The following NR2C1 variants were observed in gnomAD, a reference collection of about 807,000 sequenced individuals.
NR2C1 encodes the protein nuclear receptor subfamily 2 group C member 1, also known as TR2 nuclear hormone receptor.
A neutral mutation model predicts 74.8 loss-of-function variants in NR2C1; 33 were observed. That is an observed-to-expected ratio of 0.44 (90% CI 0.33 to 0.59). NR2C1 has a LOEUF of 0.59. Ranked by LOEUF, NR2C1 falls within the 20% of genes least tolerant of loss-of-function variation. The pLI is 0.02. For synonymous variants in NR2C1, 225 were observed against 240.6 expected, an observed-to-expected ratio of 0.94 and a Z score of 0.60; for missense variants, 568 against 715.6, an observed-to-expected ratio of 0.79 and a Z score of 2.35.
rs1272138459 is a variant in NR2C1, at chr12:95,048,281, A to G, written c.1131+787T>C. Among the ~76,000 whole-genome samples, 3 of 152,276 alleles carry G rather than the reference A, an allele frequency of 2.0e-5. No individual in the cohort carries two copies. In the East Asian group the frequency reaches 5.8e-4, roughly 29 times the overall value. On this transcript the variant is annotated intron_variant, in intron 9 of 13. Transcript: ENST00000333003. ...AGCTAATTAAGATGATACATAACAAATGGAGCTCTTTGTAGTTACTATGGT... is the reference window on the plus strand; with the variant it reads ...AGCTAATTAAGATGATACATAACAAGTGGAGCTCTTTGTAGTTACTATGGT...
At chr12:95,069,944 GGAT>G (rs1378605402) in intron 1 of NR2C1, among the ~76,000 whole-genome samples, 1 of 152,102 alleles carries the variant, frequency 6.6e-6, no homozygotes, top group African/African-American at 2.4e-5. Context: ...CCCTGGGATA[GGAT>G]AATAAAGATG....
At chr12:95,041,195 A>G (rs1355773935) in intron 9 of NR2C1, among the ~76,000 whole-genome samples, 3 of 152,124 alleles carry the variant, frequency 2.0e-5, no homozygotes, top group African/African-American at 7.2e-5. Context: ...CCCTATTTAA[A>G]AAAACTGGCA....
intron 7 of NR2C1, 85 bp downstream of exon 7, chr12:95,057,468 A>G: frequency 2.1e-6 from 2 of 975,428 alleles, no homozygotes; most frequent in East Asian, 2.5e-5. Flanking sequence ...TTAAGAACAA[A>G]GCAATTTACC....
chr12:95,020,593 T>C lies in NR2C1; in HGVS notation c.*1636A>G, dbSNP rs1592713367. On this transcript the variant is annotated 3_prime_UTR_variant, in exon 14 of 14. Transcript: ENST00000333003. ...CTGTAAGTTGATATTTTCAAACTTT[T>C]GATTACTATAAAGTAGTAAGCAATA... is the stretch of plus-strand genomic sequence containing the variant. The C allele has an allele frequency of 6.6e-6, 1 of 152,342 alleles. No homozygotes were observed. The highest frequency in any genetic ancestry group is 2.4e-5 in the African/African-American group (1 of 41,586). 9.4% of individuals were successfully genotyped at this position (152,342 alleles called of 1,614,324 possible).
At chr12:95,030,028 C>A (rs1259219297) in intron 11 of NR2C1, among the ~76,000 whole-genome samples, 3 of 152,100 alleles carry the variant, frequency 2.0e-5, no homozygotes, top group African/African-American at 7.2e-5. Context: ...CATGCGCTAC[C>A]ATGGCCAGCT....
At chr12:95,025,937 T>C (rs2136091253) in intron 12 of NR2C1, among the ~76,000 whole-genome samples, 1 of 152,066 alleles carries the variant, frequency 6.6e-6, no homozygotes, top group African/African-American at 2.4e-5. Flanking sequence ...CTGGGTGTGG[T>C]GGCTCATGCC....
intron 11 of NR2C1, chr12:95,030,363 G>A (rs1319153035): frequency 1.1e-6 from 1 of 925,380 alleles, no homozygotes; most frequent in Non-Finnish European, 1.4e-6. Context: ...AATAAAAACA[G>A]ATATTTAGTA....
At chr12:95,043,680 ACT>A (rs1363098665) in intron 9 of NR2C1, among the ~76,000 whole-genome samples, 3 of 150,096 alleles carry the variant, frequency 2.0e-5, no homozygotes, top group South Asian at 4.2e-4. Flanking sequence ...ACAGAGCAAG[ACT>A]CTGTCTCAAA....
At chr12:95,059,301 CA>C (rs202083036) in intron 4 of NR2C1, among the ~76,000 whole-genome samples, 112 of 137,468 alleles carry the variant, frequency 8.1e-4, no homozygotes, top group Middle Eastern at 4.0e-3. Flanking sequence ...GACTCCATCT[CA>C]AAAAAAAAAA....
At chr12:95,051,994 TC>T (rs1489650557) in intron 7 of NR2C1, 51 bp from the exon 8 acceptor site, 1 of 1,238,200 alleles carries the variant, frequency 8.1e-7, no homozygotes, top group African/African-American at 1.5e-5. Flanking sequence ...ACTATTTTTT[TC>T]AATCTGAAAT....
At chr12:95,057,982 C>T (rs1592778378) in intron 5 of NR2C1, 104 bp from the exon 6 acceptor site, 3 of 929,544 alleles carry the variant, frequency 3.2e-6, no homozygotes, top group Non-Finnish European at 1.6e-6. Context: ...GACATGGCTA[C>T]CATACTAAAC....
intron 4 of NR2C1, 111 bp downstream of exon 4, chr12:95,059,792 CTCT>C: frequency 1.4e-6 from 1 of 715,204 alleles, no homozygotes; most frequent in Admixed American, 3.2e-5. Context: ...TCCTTTATTT[CTCT>C]TCTTACTTTT....
At chr12:95,057,490 A>C (rs1447181458) in intron 7 of NR2C1, 63 bp downstream of exon 7, 1 of 1,175,128 alleles carries the variant, frequency 8.5e-7, no homozygotes, top group African/African-American at 1.5e-5. Flanking sequence ...AAGCAAAGGA[A>C]GTGATTAGAA....
chr12:95,070,970 C>G lies in NR2C1; in HGVS notation c.-8+2410G>C, dbSNP rs148940160. Reference sequence around the variant, plus strand: ...ATCCCAGCACTTTGGGAGGCCAAGGCACGTGGATCACCTGAGGTCAAGAGT... The same window carrying G: ...ATCCCAGCACTTTGGGAGGCCAAGGGACGTGGATCACCTGAGGTCAAGAGT... On this transcript the variant is annotated intron_variant, in intron 1 of 13. Coordinates refer to ENST00000333003, the MANE Select transcript of NR2C1 (RefSeq NM_003297.4). Among the ~76,000 whole-genome samples, 1,090 of 152,328 alleles carry G rather than the reference C, an allele frequency of 7.2e-3. 10 individuals are homozygous for G. Among genetic ancestry groups the G allele is most frequent in the African/African-American group, 0.023 (974 of 41,568 alleles).
At chr12:95,056,748 G>A (rs1485353535) in intron 7 of NR2C1, among the ~76,000 whole-genome samples, 1 of 152,144 alleles carries the variant, frequency 6.6e-6, no homozygotes, top group Non-Finnish European at 1.5e-5. Flanking sequence ...CACGAGGTCA[G>A]GCGATCGAGA....
At position 95,044,511 on chromosome 12, in the gene NR2C1, C is replaced by T. The variant is rs181976058; in HGVS notation, c.1132-3914G>A. On this transcript the variant is annotated intron_variant, in intron 9 of 13. Transcript: ENST00000333003. ...CAGTCTGGTCTTGAACTCCTGACCT[C>T]GTGATCCACCCACCTCAGCCTCCCA... 6.9e-4 allele frequency among the ~76,000 whole-genome samples: 105 copies of T among 151,650 alleles called. 2 individuals are homozygous for T. Among genetic ancestry groups the T allele is most frequent in the South Asian group, 2.5e-3 (12 of 4,764 alleles).
chr12:95,035,149 A>G (rs910987115), intron 10 of NR2C1, among the ~76,000 whole-genome samples: 2 of 152,200 alleles, frequency 1.3e-5, no homozygotes, highest in African/African-American at 2.4e-5. Flanking sequence ...GAAGAAGTCT[A>G]TGAGTGTAAA....
intron 13 of NR2C1, among the ~76,000 whole-genome samples, 158 bp downstream of exon 13, chr12:95,024,992 G>T (rs911628070): frequency 4.6e-5 from 7 of 152,140 alleles, no homozygotes; most frequent in Non-Finnish European, 5.9e-5. Context: ...TTTATGTAAC[G>T]TACTTGCAAC....
chr12:95,067,468 T>C (rs544287436), intron 1 of NR2C1, 77 bp from the exon 2 acceptor site: 167 of 1,126,190 alleles, frequency 1.5e-4, no homozygotes, highest in Admixed American at 6.4e-4. Flanking sequence ...TAAAACTATA[T>C]GATATTTAAG....
Sources: allele counts gnomAD v4.1 joint callset (sites outside exome capture counted in the v4.1 genomes callset), GRCh38; gene constraint gnomAD v4.1.1; transcripts MANE v1.5; gene names NCBI Gene and HGNC (gene_info 2026-07-23, HGNC 2026-07-21).